EBF1: variants seen among roughly 807,000 people sequenced by gnomAD.
EBF1 encodes EBF transcription factor 1.
In EBF1, 10 loss-of-function variants were observed where a neutral mutation model predicts 68.4. The observed-to-expected ratio is 0.15, with a 90% confidence interval of 0.09 to 0.25. The LOEUF is 0.25. Ranked by LOEUF, EBF1 falls within the 10% of genes least tolerant of loss-of-function variation. The pLI, the probability that EBF1 is intolerant of heterozygous loss-of-function variation, is 1.00. For synonymous variants in EBF1, 298 were observed against 299.8 expected, an observed-to-expected ratio of 0.99 and a Z score of 0.06; for missense variants, 509 against 794.4, an observed-to-expected ratio of 0.64 and a Z score of 4.32.
Position 158,714,008 on chromosome 5 carries a change from C to T in EBF1, c.1191+109G>A, listed in dbSNP as rs367607199. Reference sequence around the variant, plus strand: ...ATATCTGAATTACTTATACTCTTAACTCATGCACATGGCTTTTATATTGTT... The same window carrying T: ...ATATCTGAATTACTTATACTCTTAATTCATGCACATGGCTTTTATATTGTT... On this transcript the variant is annotated intron_variant, in intron 12 of 15. Coordinates refer to ENST00000313708, the MANE Select transcript of EBF1 (RefSeq NM_024007.5). The T allele has an allele frequency of 5.4e-5, 61 of 1,138,940 alleles. No homozygotes were observed. The East Asian group carries it at 1.2e-3, about 23-fold the overall frequency. 70.6% of individuals were successfully genotyped at this position (1,138,940 alleles called of 1,614,324 possible).
intron 4 of EBF1, among the ~76,000 whole-genome samples, chr5:159,090,699 C>A (rs1254449673): frequency 6.6e-6 from 1 of 152,062 alleles, no homozygotes; most frequent in Non-Finnish European, 1.5e-5. Context: ...CTCTAACAAT[C>A]CCATATTGTA....
chr5:158,905,407 G>A lies in EBF1; in HGVS notation c.555-65297C>T, dbSNP rs141655982. ...TTGATCATGAGATGAGTTTATTAAA[G>A]AGGCAGTTTGTTCTCAAGTCTGGAC... On this transcript the variant is annotated intron_variant, in intron 6 of 15. Coordinates refer to ENST00000313708, the MANE Select transcript of EBF1 (RefSeq NM_024007.5). 5.1e-3 allele frequency among the ~76,000 whole-genome samples: 776 copies of A among 152,280 alleles called. 4 individuals carry two copies. Among genetic ancestry groups the A allele is most frequent in the Non-Finnish European group, 9.2e-3 (625 of 68,028 alleles).
chr5:158,942,796 G>A (rs533424541), intron 6 of EBF1, among the ~76,000 whole-genome samples: 2 of 151,200 alleles, frequency 1.3e-5, no homozygotes, highest in South Asian at 2.1e-4. Context: ...ATCTCCAGAA[G>A]AGAATAGTAG....
chr5:158,705,332 G>C (rs1757642291), intron 15 of EBF1, among the ~76,000 whole-genome samples: 1 of 152,106 alleles, frequency 6.6e-6, no homozygotes, highest in African/African-American at 2.4e-5. Flanking sequence ...CATGGGATAG[G>C]GGAAAATCCA....
At chr5:158,942,384 GT>G (rs1255984326) in intron 6 of EBF1, among the ~76,000 whole-genome samples, 1 of 152,192 alleles carries the variant, frequency 6.6e-6, no homozygotes, top group Non-Finnish European at 1.5e-5. Flanking sequence ...CCTTGGGCAA[GT>G]TACTTCAGCT....
intron 6 of EBF1, among the ~76,000 whole-genome samples, chr5:158,944,770 G>A (rs528222848): frequency 9.2e-5 from 14 of 152,276 alleles, no homozygotes; most frequent in East Asian, 1.9e-4. Context: ...TCTAACTGGC[G>A]TGAGATGGGA....
chr5:158,927,403 G>T (rs1211510823), intron 6 of EBF1, among the ~76,000 whole-genome samples: 3 of 152,086 alleles, frequency 2.0e-5, no homozygotes, highest in African/African-American at 7.2e-5. Flanking sequence ...TTGTGTCCCG[G>T]AGCCCCAAAC....
At chr5:158,775,203 A>T (rs1774857426) in intron 10 of EBF1, among the ~76,000 whole-genome samples, 1 of 151,888 alleles carries the variant, frequency 6.6e-6, no homozygotes. Flanking sequence ...TCTTAAACTG[A>T]TGGCAATTTT....
chr5:159,095,526 A>G (rs919778905), intron 4 of EBF1, 94 bp downstream of exon 4: 37 of 1,453,942 alleles, frequency 2.5e-5, no homozygotes, highest in Non-Finnish European at 3.1e-5. Flanking sequence ...TTAGAGTTAG[A>G]GTCCCAGCCC....
intron 6 of EBF1, among the ~76,000 whole-genome samples, chr5:158,872,961 C>T (rs1797134302): frequency 6.8e-6 from 1 of 146,482 alleles, no homozygotes; most frequent in South Asian, 2.2e-4. Context: ...AAAGCCATAC[C>T]TTTGTCCAGG....
At chr5:158,701,444 A>ACAT (rs1345897376) in intron 15 of EBF1, among the ~76,000 whole-genome samples, 1 of 152,152 alleles carries the variant, frequency 6.6e-6, no homozygotes, top group African/African-American at 2.4e-5. Flanking sequence ...ACTTAGGGCC[A>ACAT]CATTAAAAGT....
At chr5:159,010,185 CA>C in intron 6 of EBF1, among the ~76,000 whole-genome samples, 1 of 152,060 alleles carries the variant, frequency 6.6e-6, no homozygotes, top group African/African-American at 2.4e-5. Context: ...GGTATCTGAC[CA>C]AAAAAAGTCA....
intron 6 of EBF1, among the ~76,000 whole-genome samples, chr5:158,933,876 T>C (rs984234398): frequency 2.6e-5 from 4 of 152,212 alleles, no homozygotes; most frequent in Non-Finnish European, 5.9e-5. Flanking sequence ...AAAGCACAGA[T>C]CTTTCAGTAA....
chr5:158,707,243 A>G (rs1329431298), intron 15 of EBF1, among the ~76,000 whole-genome samples: 1 of 152,238 alleles, frequency 6.6e-6, no homozygotes, highest in Non-Finnish European at 1.5e-5. Flanking sequence ...TGCTAAGCTC[A>G]TAAGAAAAAT....
intron 6 of EBF1, among the ~76,000 whole-genome samples, chr5:158,963,947 G>T (rs551352239): frequency 4.6e-5 from 7 of 152,168 alleles, no homozygotes; most frequent in Non-Finnish European, 8.8e-5. Flanking sequence ...TGCTGGGGAT[G>T]GGGGGAGTTA....
intron 6 of EBF1, among the ~76,000 whole-genome samples, chr5:158,912,740 C>T (rs1281367776): frequency 6.6e-6 from 1 of 152,166 alleles, no homozygotes; most frequent in Non-Finnish European, 1.5e-5. Flanking sequence ...TAGTTCCCTC[C>T]ACTATGCCTA....
chr5:158,821,394 G>A (rs1784797397), intron 8 of EBF1, among the ~76,000 whole-genome samples: 3 of 152,132 alleles, frequency 2.0e-5, no homozygotes, highest in South Asian at 4.2e-4. Context: ...TTTGGTTTTT[G>A]TTGGAGGGAT....
intron 10 of EBF1, among the ~76,000 whole-genome samples, chr5:158,765,410 G>GAACGTGTGTAGAATGACT (rs1561862080): frequency 6.6e-6 from 1 of 152,090 alleles, no homozygotes; most frequent in Admixed American, 6.6e-5. Flanking sequence ...TGACTGGGAA[G>GAACGTGTGTAGAATGACT]GCCATATTTT....
At chr5:158,921,206 C>T (rs1808352010) in intron 6 of EBF1, among the ~76,000 whole-genome samples, 1 of 151,790 alleles carries the variant, frequency 6.6e-6, no homozygotes, top group African/African-American at 2.4e-5. Flanking sequence ...GGGTGATGAG[C>T]TTCGTTTCGC....
Sources: allele counts gnomAD v4.1 joint callset (sites outside exome capture counted in the v4.1 genomes callset), GRCh38; gene constraint gnomAD v4.1.1; transcripts MANE v1.5; gene names NCBI Gene and HGNC (gene_info 2026-07-23, HGNC 2026-07-21).